Variants in DIAPH3 observed in about 807,000 individuals in gnomAD.
DIAPH3 encodes diaphanous related formin 3.
In DIAPH3, 117 loss-of-function variants were observed where a neutral mutation model predicts 144.3. The ratio of observed to expected loss-of-function variants is 0.81; its 90% CI spans 0.70 to 0.95. The LOEUF (loss-of-function observed/expected upper bound fraction) is 0.95, where lower values mean the gene tolerates loss of function less well. Among genes scored for constraint, DIAPH3 ranks in the 40% least tolerant of loss-of-function variants. DIAPH3 has a pLI of 0.00. For synonymous variants in DIAPH3, 519 were observed against 488.9 expected (o/e 1.06, Z -0.81); for missense variants, 1,421 against 1,412.7 (o/e 1.01, Z -0.09).
chr13:59,979,289 C>A (rs948890397), intron 14 of DIAPH3, among the ~76,000 whole-genome samples: 1 of 151,512 alleles, frequency 6.6e-6, no homozygotes, highest in African/African-American at 2.4e-5. Context: ...AAAATGATAA[C>A]AAAATCAAAT....
At chr13:59,774,353 G>T in intron 26 of DIAPH3, 105 bp from the exon 27 acceptor site, 1 of 880,964 alleles carries the variant, frequency 1.1e-6, no homozygotes, top group Non-Finnish European at 1.8e-6. Context: ...ATTTCTGGCA[G>T]CAAAGTAATG....
intron 4 of DIAPH3, among the ~76,000 whole-genome samples, chr13:60,067,743 C>A (rs2057026777): frequency 1.3e-5 from 2 of 152,016 alleles, no homozygotes; most frequent in Non-Finnish European, 2.9e-5. Flanking sequence ...TTTAACTCTT[C>A]TTTAATTTGA....
At chr13:60,153,142 A>G (rs1395543459) in intron 1 of DIAPH3, among the ~76,000 whole-genome samples, 1 of 152,086 alleles carries the variant, frequency 6.6e-6, no homozygotes, top group Non-Finnish European at 1.5e-5. Context: ...ATGAGGGCCA[A>G]GCAACATCAT....
At chr13:59,848,307 CT>C (rs71089517) in intron 22 of DIAPH3, among the ~76,000 whole-genome samples, 1,425 of 128,048 alleles carry the variant, frequency 0.011, 28 homozygotes, top group East Asian at 0.064. Context: ...AAAGTCAAAT[CT>C]TTTTTTTTTT....
rs1007644229 is a variant in DIAPH3, at chr13:59,942,385, T to C, written c.2075-17515A>G. ...AACAATTTTTTTAGATTCATTTATA[T>C]TGACTAAGGCAAAGTTGCCTTTTTA... On this transcript the variant is annotated intron_variant, in intron 17 of 27. Transcript: ENST00000400324. Among the ~76,000 whole-genome samples, 3 of 152,160 alleles carry C rather than the reference T, an allele frequency of 2.0e-5. No homozygotes were observed. The East Asian group carries it at 5.8e-4, about 29-fold the overall frequency.
At chr13:59,847,421 G>T (rs1197202139) in intron 22 of DIAPH3, among the ~76,000 whole-genome samples, 1 of 152,104 alleles carries the variant, frequency 6.6e-6, no homozygotes, top group Non-Finnish European at 1.5e-5. Context: ...TTCATCCCCT[G>T]AAAGAAAGAG....
chr13:60,084,007 CAGATAGATAGATAGATAGAT>C (rs71089524), intron 4 of DIAPH3, among the ~76,000 whole-genome samples: 23 of 136,458 alleles, frequency 1.7e-4, no homozygotes, highest in East Asian at 1.1e-3. Context: ...GATAGATAGA[CAGATAGATAGATAGATAGAT>C]AGATAGATAG....
At chr13:60,125,951 A>C (rs2138183224) in intron 2 of DIAPH3, among the ~76,000 whole-genome samples, 1 of 152,346 alleles carries the variant, frequency 6.6e-6, no homozygotes, top group Non-Finnish European at 1.5e-5. Context: ...AATATAAGGA[A>C]TAAAACAAGT....
chr13:60,031,341 C>G (rs1429607625), intron 5 of DIAPH3, among the ~76,000 whole-genome samples: 2 of 152,150 alleles, frequency 1.3e-5, no homozygotes, highest in Admixed American at 1.3e-4. Flanking sequence ...ACACCTCCCC[C>G]AGGCCCCACC....
chr13:60,128,100 CCT>C (rs1298795009), intron 2 of DIAPH3, among the ~76,000 whole-genome samples: 2 of 152,070 alleles, frequency 1.3e-5, no homozygotes, highest in African/African-American at 4.8e-5. Context: ...CTGTTTTTCC[CCT>C]CTTTGTGTCC....
intron 13 of DIAPH3, among the ~76,000 whole-genome samples, chr13:59,981,962 G>C (rs1354182159): frequency 1.3e-5 from 2 of 151,408 alleles, no homozygotes; most frequent in African/African-American, 4.8e-5. Flanking sequence ...GATTGCTCCA[G>C]AGCATGAAAT....
chr13:59,947,036 T>G (rs1299715273), intron 17 of DIAPH3, among the ~76,000 whole-genome samples: 1 of 152,190 alleles, frequency 6.6e-6, no homozygotes, highest in Non-Finnish European at 1.5e-5. Flanking sequence ...ACCCATTGCC[T>G]CAGTCTGAAC....
intron 17 of DIAPH3, among the ~76,000 whole-genome samples, chr13:59,928,398 G>A (rs1302735150): frequency 6.6e-6 from 1 of 151,910 alleles, no homozygotes; most frequent in Non-Finnish European, 1.5e-5. Context: ...TTTATTTGGG[G>A]TGTGTTATGG....
intron 17 of DIAPH3, among the ~76,000 whole-genome samples, chr13:59,942,570 T>C (rs986184620): frequency 6.6e-6 from 1 of 152,134 alleles, no homozygotes; most frequent in African/African-American, 2.4e-5. Flanking sequence ...GAAGTACAAT[T>C]TTTAAAAAGT....
At chr13:60,072,305 T>C (rs1008774540) in intron 4 of DIAPH3, among the ~76,000 whole-genome samples, 1 of 152,184 alleles carries the variant, frequency 6.6e-6, no homozygotes, top group Admixed American at 6.6e-5. Context: ...CAGCTGGTCG[T>C]TGTCCTTTCA....
chr13:59,931,453 T>C (rs1594034614), intron 17 of DIAPH3, among the ~76,000 whole-genome samples: 2 of 152,188 alleles, frequency 1.3e-5, no homozygotes, highest in East Asian at 1.9e-4. Context: ...TGGTGTTCTC[T>C]ATCACCATTG....
rs759612637 is a variant in DIAPH3 at position 59,833,056 on chromosome 13, T to C, written c.3027+51A>G. The C allele has an allele frequency of 3.0e-6, 4 of 1,345,416 alleles. No homozygotes were observed. The Admixed American group carries it at 7.2e-5, about 24-fold the overall frequency. 83.3% of individuals were successfully genotyped at this position (1,345,416 alleles called of 1,614,324 possible). On this transcript the variant is annotated intron_variant, in intron 24 of 27. Coordinates refer to ENST00000400324, the MANE Select transcript of DIAPH3 (RefSeq NM_001042517.2). ...TAGAACGATGTAATGAGATAATAGA[T>C]AAGATAGTATAAATAAAAAAACTTT...
intron 5 of DIAPH3, chr13:60,034,731 C>CG (rs2055075342): frequency 6.6e-6 from 1 of 152,100 alleles, no homozygotes; most frequent in Non-Finnish European, 1.5e-5. Context: ...CCCAAGTAAC[C>CG]GGGACTACAG....
chr13:59,926,081 G>T (rs1174081156), intron 17 of DIAPH3, among the ~76,000 whole-genome samples: 1 of 152,066 alleles, frequency 6.6e-6, no homozygotes, highest in African/African-American at 2.4e-5. Context: ...GACTTCTCAG[G>T]CTCAATTGAT....
Sources: allele counts gnomAD v4.1 joint callset (sites outside exome capture counted in the v4.1 genomes callset), GRCh38; gene constraint gnomAD v4.1.1; transcripts MANE v1.5; gene names NCBI Gene and HGNC (gene_info 2026-07-23, HGNC 2026-07-21).